EPB41: variants seen among roughly 807,000 people sequenced by gnomAD.
EPB41 encodes protein 4.1.
In EPB41, 65 loss-of-function variants were observed where a neutral mutation model predicts 108.0. The ratio of observed to expected loss-of-function variants is 0.60; its 90% CI spans 0.49 to 0.74. The LOEUF (loss-of-function observed/expected upper bound fraction) is 0.74. Among genes scored for constraint, EPB41 ranks in the 30% least tolerant of loss-of-function variants. The pLI, the probability that EPB41 is intolerant of heterozygous loss-of-function variation, is 0.00. For synonymous variants in EPB41, 336 were observed against 358.9 expected (o/e 0.94, Z 0.72); for missense variants, 875 against 1,037.0 (o/e 0.84, Z 2.15).
At chr1:29,061,486 G>A (rs543942941) in intron 15 of EPB41, among the ~76,000 whole-genome samples, 11 of 151,158 alleles carry the variant, frequency 7.3e-5, no homozygotes, top group African/African-American at 2.7e-4. Context: ...AGCCAGGATG[G>A]TCTGGATCTC....
chr1:29,070,655 G>T, intron 16 of EPB41: 1 of 1,231,886 alleles, frequency 8.1e-7, no homozygotes, highest in South Asian at 4.1e-5. Context: ...CAAGACCATT[G>T]AACTTCTGTC....
At chr1:29,094,270 ATTTTTTTTC>A (rs1553300945) in intron 16 of EPB41, among the ~76,000 whole-genome samples, 34 of 150,422 alleles carry the variant, frequency 2.3e-4, no homozygotes, top group African/African-American at 7.3e-4. Context: ...TTGTTTTCTT[ATTTTTTTTC>A]TTTTTTTTCT....
intron 12 of EPB41, among the ~76,000 whole-genome samples, chr1:29,055,596 T>C (rs1021160370): frequency 9.9e-5 from 15 of 151,356 alleles, no homozygotes; most frequent in African/African-American, 3.7e-4. Flanking sequence ...AACTTATTAT[T>C]GTAATAGTGG....
chr1:28,977,761 G>A (rs1273383300), intron 1 of EPB41, among the ~76,000 whole-genome samples: 1 of 152,056 alleles, frequency 6.6e-6, no homozygotes, highest in Non-Finnish European at 1.5e-5. Context: ...TGTAACACGA[G>A]GAACATGACT....
intron 1 of EPB41, among the ~76,000 whole-genome samples, chr1:28,922,687 G>A (rs1259613281): frequency 6.6e-6 from 1 of 150,712 alleles, no homozygotes; most frequent in African/African-American, 2.5e-5. Flanking sequence ...TAGTGCAGTG[G>A]CGCGATCTCG....
intron 1 of EPB41, among the ~76,000 whole-genome samples, chr1:28,917,933 G>A (rs1375662459): frequency 1.3e-5 from 2 of 152,012 alleles, no homozygotes; most frequent in Non-Finnish European, 2.9e-5. Flanking sequence ...TGCCTGGTGT[G>A]TAATTGTTGG....
Position 28,897,130 on chromosome 1 carries a change from C to G in EPB41, c.-8+9920C>G, listed in dbSNP as rs1382344015. Among the ~76,000 whole-genome samples, 4 of 152,142 alleles carry G rather than the reference C, an allele frequency of 2.6e-5. No individual in the cohort carries two copies. The East Asian group carries it at 7.7e-4, about 29-fold the overall frequency. On this transcript the variant is annotated intron_variant, in intron 1 of 16. Coordinates refer to the EPB41 transcript ENST00000347529. ...GGGTACCCACTCCTATCTCAGGGGT[C>G]CCTTGTGGTGACCCTGGTAGGTCTG...
chr1:28,991,975 GTATTAT>G, intron 2 of EPB41, among the ~76,000 whole-genome samples: 1 of 152,050 alleles, frequency 6.6e-6, no homozygotes, highest in South Asian at 2.1e-4. Flanking sequence ...TAAATGTTTG[GTATTAT>G]TATTATTATA....
intron 5 of EPB41, among the ~76,000 whole-genome samples, chr1:29,015,037 C>T (rs569465964): frequency 7.9e-5 from 12 of 152,200 alleles, no homozygotes; most frequent in African/African-American, 2.6e-4. Context: ...CCCAGCATTT[C>T]TCAGAGTATC....
intron 11 of EPB41, among the ~76,000 whole-genome samples, chr1:29,051,897 TAAAAAAA>T (rs10715253): frequency 6.9e-6 from 1 of 144,686 alleles, no homozygotes; most frequent in Non-Finnish European, 1.5e-5. Context: ...GACTCCATCT[TAAAAAAA>T]AAAAAAAAGT....
chr1:29,083,917 G>A (rs1220880348), intron 16 of EPB41, among the ~76,000 whole-genome samples: 1 of 152,176 alleles, frequency 6.6e-6, no homozygotes, highest in African/African-American at 2.4e-5. Flanking sequence ...TAGTTTGCAT[G>A]TTGTAGACCA....
chr1:29,084,700 T>C (rs1658071007), intron 16 of EPB41, among the ~76,000 whole-genome samples: 1 of 152,378 alleles, frequency 6.6e-6, no homozygotes, highest in Non-Finnish European at 1.5e-5. Context: ...AGAAATATTC[T>C]ATTTTCTTTC....
At chr1:28,919,020 A>C (rs1158867447) in intron 1 of EPB41, among the ~76,000 whole-genome samples, 2 of 151,926 alleles carry the variant, frequency 1.3e-5, no homozygotes, top group African/African-American at 2.4e-5. Context: ...AATACATAGA[A>C]AGATAAAGAA....
chr1:29,112,804 G>A (rs982340912), intron 19 of EPB41, among the ~76,000 whole-genome samples: 15 of 152,298 alleles, frequency 9.8e-5, no homozygotes, highest in African/African-American at 3.4e-4. Context: ...TGAAATACTG[G>A]ATGAACAGCT....
In EPB41 at chr1:28,987,691, C is replaced by T. The variant is rs561329874; in HGVS notation, c.254C>T (p.Ser85Leu). ...AGAGGACTTTCACGACTATTCTCCT[C>T]GTTTCTCAAAAGGCCCAAATCTCAG... ...ESRGLSRLFS[S>L]FLKRPKSQVS... The change falls in exon 2 of 21, where the codon TCG (serine) becomes TTG (leucine). Residue 85 changes from serine (S) to leucine (L), a missense_variant. Transcript: ENST00000343067. 10 of 1,614,160 alleles carry T rather than the reference C, an allele frequency of 6.2e-6. No homozygotes were observed. The highest frequency in any genetic ancestry group is 2.2e-5 in the South Asian group (2 of 91,076).
intron 16 of EPB41, among the ~76,000 whole-genome samples, chr1:29,073,994 A>G (rs540588439): frequency 6.6e-6 from 1 of 152,312 alleles, no homozygotes; most frequent in Admixed American, 6.5e-5. Context: ...CTTCTTATAG[A>G]TAAGCCTGTA....
intron 10 of EPB41, among the ~76,000 whole-genome samples, chr1:29,038,316 G>A (rs1640268991): frequency 6.6e-6 from 1 of 152,080 alleles, no homozygotes; most frequent in Non-Finnish European, 1.5e-5. Flanking sequence ...AAAGAGCAAG[G>A]AGGAGTAAAA....
At chr1:28,924,752 C>T (rs1381457103) in intron 1 of EPB41, among the ~76,000 whole-genome samples, 1 of 152,136 alleles carries the variant, frequency 6.6e-6, no homozygotes, top group East Asian at 1.9e-4. Context: ...ATCATAAGTA[C>T]ATTGGGACAT....
chr1:28,978,686 G>A (rs2095663797), intron 1 of EPB41, among the ~76,000 whole-genome samples: 1 of 151,334 alleles, frequency 6.6e-6, no homozygotes, highest in African/African-American at 2.5e-5. Context: ...CTCATTTTTG[G>A]TGGGTATCAT....
Sources: gnomAD v4.1 joint callset for allele counts (sites outside exome capture counted in the v4.1 genomes callset) on GRCh38, gnomAD v4.1.1 for gene constraint, MANE v1.5 for transcripts, NCBI Gene and HGNC (gene_info 2026-07-23, HGNC 2026-07-21) for gene names.